GRIK4: variants seen among roughly 807,000 people sequenced by gnomAD.
GRIK4 encodes the protein glutamate receptor ionotropic, kainate 4.
In GRIK4, 40 loss-of-function variants were observed where a neutral mutation model predicts 104.9. The ratio of observed to expected loss-of-function variants is 0.38; its 90% CI spans 0.30 to 0.50. The LOEUF (loss-of-function observed/expected upper bound fraction) is 0.50, where lower values mean the gene tolerates loss of function less well. Ranked by LOEUF, GRIK4 falls within the 20% of genes least tolerant of loss-of-function variation. GRIK4 has a pLI of 0.93. For missense variants in GRIK4, 1,047 were observed against 1,308.1 expected (o/e 0.80, Z 3.08); for synonymous variants, 485 against 524.9 (o/e 0.92, Z 1.04).
chr11:120,735,770 C>T (rs1591847389), intron 3 of GRIK4, among the ~76,000 whole-genome samples: 1 of 152,172 alleles, frequency 6.6e-6, no homozygotes, highest in African/African-American at 2.4e-5. Context: ...CCACTCTTCC[C>T]TCTCCTTTCC....
At chr11:120,866,891 C>A (rs1432592171) in intron 9 of GRIK4, among the ~76,000 whole-genome samples, 1 of 152,228 alleles carries the variant, frequency 6.6e-6, no homozygotes, top group African/African-American at 2.4e-5. Flanking sequence ...GCTGAAGACT[C>A]CTGTAGCCCT....
intron 3 of GRIK4, among the ~76,000 whole-genome samples, chr11:120,752,935 G>A (rs985233485): frequency 7.2e-5 from 11 of 152,246 alleles, no homozygotes; most frequent in African/African-American, 2.2e-4. Flanking sequence ...GAGCACAGCC[G>A]TGGGCCTAGG....
At chr11:120,846,948 G>A (rs1245766881) in intron 8 of GRIK4, among the ~76,000 whole-genome samples, 1 of 152,244 alleles carries the variant, frequency 6.6e-6, no homozygotes, top group Non-Finnish European at 1.5e-5. Context: ...CCCCCAGAGT[G>A]GGGGAGCACC....
At chr11:120,759,640 A>C (rs1198785061) in intron 3 of GRIK4, among the ~76,000 whole-genome samples, 1 of 151,972 alleles carries the variant, frequency 6.6e-6, no homozygotes, top group African/African-American at 2.4e-5. Flanking sequence ...CCTGGCTCTG[A>C]TTGACTTAGT....
chr11:120,790,220 T>C (rs1283360065), intron 3 of GRIK4, among the ~76,000 whole-genome samples: 2 of 152,238 alleles, frequency 1.3e-5, no homozygotes, highest in African/African-American at 4.8e-5. Context: ...TCTGCATACA[T>C]AGTGCCTTGC....
At chr11:120,609,006 G>T (rs1948998231) in intron 1 of GRIK4, among the ~76,000 whole-genome samples, 2 of 152,232 alleles carry the variant, frequency 1.3e-5, no homozygotes, top group Non-Finnish European at 2.9e-5. Flanking sequence ...AGCCACCAGT[G>T]CCTGTAACAA....
At chr11:120,745,746 T>C (rs542919576) in intron 3 of GRIK4, among the ~76,000 whole-genome samples, 12 of 152,346 alleles carry the variant, frequency 7.9e-5, no homozygotes, top group African/African-American at 1.7e-4. Flanking sequence ...CTTTTGGGAA[T>C]TGGTGATTTT....
At chr11:120,889,972 G>A (rs938811423) in intron 11 of GRIK4, among the ~76,000 whole-genome samples, 1 of 152,106 alleles carries the variant, frequency 6.6e-6, no homozygotes, top group South Asian at 2.1e-4. Context: ...ACCCTAATAA[G>A]GGGAGAAGGG....
chr11:120,743,903 G>C (rs75318095), intron 3 of GRIK4, among the ~76,000 whole-genome samples: 2 of 152,168 alleles, frequency 1.3e-5, no homozygotes, highest in African/African-American at 4.8e-5. Context: ...ATTTACTGTC[G>C]GTGGAAGGGC....
At position 120,524,013 on chromosome 11, in the gene GRIK4, G is replaced by A. The variant is rs189415881; in HGVS notation, c.-159+12126G>A. ...ACGATCTCGGCTCACTGCAACCTCC[G>A]CCTCCCAGGTTCAAGTGATTCCCCT... On this transcript the variant is annotated intron_variant, in intron 1 of 20. Transcript: ENST00000527524. The surrounding 1 kb of genome is among the most constrained non-coding windows in gnomAD (Gnocchi z 4.5). Among the ~76,000 whole-genome samples, 439 of 149,706 alleles carry A rather than the reference G, an allele frequency of 2.9e-3. 1 individual carries two copies. Among genetic ancestry groups the A allele is most frequent in the African/African-American group, 0.011 (426 of 40,496 alleles).
rs1018960080 is a variant in GRIK4 at position 120,939,383 on chromosome 11, C to G, written c.1477-964C>G. On this transcript the variant is annotated intron_variant, in intron 13 of 20. Transcript: ENST00000527524. The surrounding 1 kb of genome is among the most constrained non-coding windows in gnomAD (Gnocchi z 5.6). The stretch of plus-strand genomic sequence containing the variant: ...TGCTGGTTGTTGTGCATTAAGGGGA[C>G]CAGAAACTCTTCTTCGGGTCTGCTA... 4.6e-5 allele frequency among the ~76,000 whole-genome samples: 7 copies of G among 152,098 alleles called. No individual in the cohort carries two copies. Among genetic ancestry groups the G allele is most frequent in the Non-Finnish European group, 8.8e-5 (6 of 68,012 alleles).
At chr11:120,580,209 TTCTTTC>T (rs1442084071) in intron 1 of GRIK4, among the ~76,000 whole-genome samples, 288 of 120,270 alleles carry the variant, frequency 2.4e-3, no homozygotes, top group African/African-American at 0.011. Context: ...CTTTCTTTCT[TTCTTTC>T]TTTCTTTCTT....
chr11:120,818,949 C>T (rs1953031573), intron 5 of GRIK4, among the ~76,000 whole-genome samples: 1 of 152,212 alleles, frequency 6.6e-6, no homozygotes, highest in Non-Finnish European at 1.5e-5. Flanking sequence ...TTGTAACTTT[C>T]CTATTACCTA....
At chr11:120,667,726 G>A (rs529127700) in intron 3 of GRIK4, among the ~76,000 whole-genome samples, 4 of 152,252 alleles carry the variant, frequency 2.6e-5, no homozygotes, top group Non-Finnish European at 5.9e-5. Flanking sequence ...GACCCAGCCA[G>A]CGAGGCCCAT....
intron 13 of GRIK4, among the ~76,000 whole-genome samples, chr11:120,938,585 G>A (rs1471822907): frequency 6.6e-6 from 1 of 152,180 alleles, no homozygotes; most frequent in Non-Finnish European, 1.5e-5. Flanking sequence ...ATTCCCTTGT[G>A]TGTAAAATGA....
intron 14 of GRIK4, among the ~76,000 whole-genome samples, chr11:120,948,338 A>G (rs1943914619): frequency 6.6e-6 from 1 of 152,212 alleles, no homozygotes; most frequent in South Asian, 2.1e-4. Context: ...GAGGGGATAG[A>G]GTTTCAGGAA....
intron 1 of GRIK4, among the ~76,000 whole-genome samples, chr11:120,629,091 G>A (rs1338819741): frequency 1.3e-5 from 2 of 152,128 alleles, no homozygotes; most frequent in Non-Finnish European, 2.9e-5. Context: ...TGGGAAGCCT[G>A]GTGTAGCCAT....
chr11:120,652,579 T>C (rs1591770472), intron 1 of GRIK4, among the ~76,000 whole-genome samples: 1 of 149,574 alleles, frequency 6.7e-6, no homozygotes, highest in African/African-American at 2.5e-5. Flanking sequence ...AGTGGGGGAG[T>C]CAGGACAGCA....
intron 1 of GRIK4, among the ~76,000 whole-genome samples, chr11:120,586,951 A>T (rs1038632848): frequency 6.6e-6 from 1 of 152,208 alleles, no homozygotes; most frequent in African/African-American, 2.4e-5. Context: ...TGGCCTAATC[A>T]GACCCTGTCA....
Sources: gnomAD v4.1 joint callset for allele counts (sites outside exome capture counted in the v4.1 genomes callset) on GRCh38, gnomAD v4.1.1 for gene constraint, Gnocchi (gnomAD v3.1) non-coding constraint, MANE v1.5 for transcripts, NCBI Gene and HGNC (gene_info 2026-07-23, HGNC 2026-07-21) for gene names.